AHNAK2: variants seen among roughly 807,000 people sequenced by gnomAD.
The protein encoded by AHNAK2 is AHNAK nucleoprotein 2.
AHNAK2 carries 18 observed loss-of-function variants against 30.7 expected under a neutral mutation model. The observed-to-expected ratio is 0.59, with a 90% CI of 0.41 to 0.87. AHNAK2 has a LOEUF of 0.87. Ranked by LOEUF, AHNAK2 falls within the 40% of genes least tolerant of loss-of-function variation. The probability of loss-of-function intolerance (pLI) is 0.00; values close to 1 mark genes in which losing one functional copy is unlikely to be tolerated. For synonymous variants in AHNAK2, 3,590 were observed against 3,073.8 expected, an observed-to-expected ratio of 1.17 and a Z score of -5.56; for missense variants, 8,604 against 7,373.0, an observed-to-expected ratio of 1.17 and a Z score of -6.11.
rs1182870261 is a variant in AHNAK2 at position 104,952,570 on chromosome 14, G to C, written c.2881C>G (p.Leu961Val). The C allele has an allele frequency of 6.2e-7, 1 of 1,612,964 alleles. No homozygotes were observed. Among genetic ancestry groups the C allele is most frequent in the East Asian group, 2.2e-5 (1 of 44,774 alleles). The change falls in exon 7 of 7, where the codon CTG becomes GTG. Residue 961 changes from leucine (L) to valine (V), a missense_variant. By Grantham distance (32) the Leu-to-Val change is conservative. Transcript: ENST00000333244. ...TGGACATCCACCTCCATGCTGGGCA[G>C]AGACACCTCGCCATCGGGGGCTGTC... ...EVTAPDGEVS[L>V]PSMEVDVQAQ... is the part of the protein sequence containing the mutation.
At chr14:104,967,395 A>AGC (rs1257839347) in intron 1 of AHNAK2, among the ~76,000 whole-genome samples, 1 of 152,254 alleles carries the variant, frequency 6.6e-6, no homozygotes, top group Non-Finnish European at 1.5e-5. Context: ...AGCTGGGCAC[A>AGC]GCCGGCTGCA....
chr14:104,943,694 C>T lies in AHNAK2; in HGVS notation c.11757G>A (p.Lys3919=), dbSNP rs566831238. Residue 3919 remains lysine (K), a synonymous_variant, in exon 7 of 7, where the codon AAG becomes AAA. Coordinates refer to ENST00000333244, the MANE Select transcript of AHNAK2 (RefSeq NM_138420.4). ...CCACATCAGGGGCTGTCACTTCCAC[C>T]TTGGGGTCTTTTAGGTCCAGCTTGG... ...KGPKLDLKDP[K]VEVTAPDVEV... is the part of the protein sequence containing the mutation. 6.2e-7 allele frequency: 1 copy of T among 1,613,166 alleles called. No homozygotes were observed. The highest frequency in any genetic ancestry group is 1.7e-5 in the Admixed American group (1 of 59,928).
Position 104,972,212 on chromosome 14 carries a change from T to C in AHNAK2, c.55+5971A>G, listed in dbSNP as rs118149645. On this transcript the variant is annotated intron_variant, in intron 1 of 6. Transcript: ENST00000333244. ...CAGGCCCCTTCTGGGCCTCCCCCCA[T>C]TGCAATACCCTAAAAAGGCTGACAC... Among the ~76,000 whole-genome samples, 141 of 152,236 alleles carry C rather than the reference T, an allele frequency of 9.3e-4. 5 individuals are homozygous for C. The East Asian group carries it at 0.027, about 29-fold the overall frequency.
In AHNAK2 at chr14:104,940,829, G is replaced by A. The variant is rs757855820; in HGVS notation, c.14622C>T (p.Val4874=). 1.9e-6 allele frequency: 3 copies of A among 1,613,100 alleles called. No homozygotes were observed. Among genetic ancestry groups the A allele is most frequent in the Non-Finnish European group, 2.5e-6 (3 of 1,179,886 alleles). ...KFYKPKFVFS[V]PQMAVPEGDL... ...CTCCCTCAGGAACTGCCATTTGGGG[G>A]ACTGAAAACACAAACTTTGGTTTAT... Residue 4874 remains valine (V), a synonymous_variant, in exon 7 of 7, where the codon GTC becomes GTT. Transcript: ENST00000333244. The surrounding 1 kb of genome is among the most constrained non-coding windows in gnomAD (Gnocchi z 4.4).
Position 104,941,810 on chromosome 14 carries a change from G to T in AHNAK2, c.13641C>A (p.Pro4547=), listed in dbSNP as rs768122087. 1 of 1,612,702 alleles carries T rather than the reference G, an allele frequency of 6.2e-7. No homozygotes were observed. The highest frequency in any genetic ancestry group is 8.5e-7 in the Non-Finnish European group (1 of 1,179,434). The change falls in exon 7 of 7, where the codon CCC becomes CCA. Residue 4547 remains proline, a synonymous_variant. Transcript: ENST00000333244. ...PEVAGLKGHL[P]KVEMPSFKMP... Reference sequence around the variant, plus strand: ...TCTTGAAACTGGGCATCTCCACCTTGGGCAGGTGCCCTTTGAGGCCGGCTA... The same window carrying T: ...TCTTGAAACTGGGCATCTCCACCTTTGGCAGGTGCCCTTTGAGGCCGGCTA...
intron 1 of AHNAK2, among the ~76,000 whole-genome samples, chr14:104,975,584 C>T (rs1899571296): frequency 6.6e-6 from 1 of 152,244 alleles, no homozygotes; most frequent in South Asian, 2.1e-4. Flanking sequence ...GAGCCAGCAC[C>T]TGTCAGAACA....
chr14:104,946,914 T>C lies in AHNAK2; in HGVS notation c.8537A>G (p.Asp2846Gly). 6.2e-7 allele frequency: 1 copy of C among 1,612,448 alleles called. No homozygotes were observed. The highest frequency in any genetic ancestry group is 1.1e-5 in the South Asian group (1 of 91,016). ...VDVSELKVEA[D>G]GSFPSMQGDL... ...CCCTTGCATGGAGGGGAAGCTCCCG[T>C]CAGCTTCCACCTTCAGCTCAGACAC... Residue 2846 changes from aspartate (D) to glycine (G), a missense_variant, in exon 7 of 7, where the codon GAC becomes GGC. Asp to Gly is a moderately conservative substitution (Grantham distance 94). Coordinates refer to ENST00000333244, the MANE Select transcript of AHNAK2 (RefSeq NM_138420.4).
chr14:104,964,373 T>A (rs772888312), intron 1 of AHNAK2, among the ~76,000 whole-genome samples: 1 of 151,962 alleles, frequency 6.6e-6, no homozygotes, highest in Non-Finnish European at 1.5e-5. Flanking sequence ...TGGAACTCCA[T>A]CCTGGTGTGG....
Position 104,943,350 on chromosome 14 carries a change from A to G in AHNAK2, c.12101T>C (p.Val4034Ala). The G allele has an allele frequency of 6.2e-7, 1 of 1,612,430 alleles. No individual in the cohort carries two copies. The highest frequency in any genetic ancestry group is 8.5e-7 in the Non-Finnish European group (1 of 1,179,418). The change falls in exon 7 of 7, where the codon GTG (valine) becomes GCG (alanine). Residue 4034 changes from valine to alanine, a missense_variant. Transcript: ENST00000333244. The part of the protein sequence containing the change: ...DLEVQAGQVD[V>A]KLPEGPVPEG... ...GGGCACGGGGCCCTCTGGGAGTTTC[A>G]CGTCCACTTGGCCAGCCTGGACCTC...
Position 104,943,027 on chromosome 14 carries a change from A to G in AHNAK2, c.12424T>C (p.Ser4142Pro). 6.2e-7 allele frequency: 1 copy of G among 1,612,676 alleles called. No homozygotes were observed. Among genetic ancestry groups the G allele is most frequent in the Non-Finnish European group, 8.5e-7 (1 of 1,179,450 alleles). The change falls in exon 7 of 7, where the codon TCA becomes CCA. Residue 4142 changes from serine to proline, a missense_variant. Ser to Pro is a moderately conservative substitution (Grantham distance 74). Transcript: ENST00000333244. ...TTGCCTGGGGCCGACACCCCGAATG[A>G]TGGCATCTTGAACTTGGGCATTTTG... The part of the protein sequence containing the change: ...KFKMPKFKMP[S>P]FGVSAPGKSM...
chr14:104,949,017 T>A lies in AHNAK2; in HGVS notation c.6434A>T (p.Asp2145Val). 1 of 1,102,250 alleles carries A rather than the reference T, an allele frequency of 9.1e-7. No homozygotes were observed. Among genetic ancestry groups the A allele is most frequent in the Non-Finnish European group, 1.3e-6 (1 of 756,746 alleles). 68.3% of individuals were successfully genotyped at this position (1,102,250 alleles called of 1,614,324 possible). ...GAACTTGCTGTCTTTGGTAGTCAGG[T>A]CCTTGTTGGCCAGGGTCAGGTCCCC... ...LQGDLTLANK[D>V]LTTKDSKFKM... The change falls in exon 7 of 7, where the codon GAC becomes GTC. Residue 2145 changes from aspartate to valine, a missense_variant. Physicochemically the swap from Asp to Val is radical, Grantham distance 152. Coordinates refer to ENST00000333244, the MANE Select transcript of AHNAK2 (RefSeq NM_138420.4).
At position 104,940,938 on chromosome 14, in the gene AHNAK2, G is replaced by A. The variant is rs779750184; in HGVS notation, c.14513C>T (p.Pro4838Leu). 1 of 1,612,678 alleles carries A rather than the reference G, an allele frequency of 6.2e-7. No individual in the cohort carries two copies. The highest frequency in any genetic ancestry group is 8.5e-7 in the Non-Finnish European group (1 of 1,179,650). The change falls in exon 7 of 7, where the codon CCA (proline) becomes CTA (leucine). Residue 4838 changes from proline to leucine, a missense_variant. Coordinates refer to ENST00000333244, the MANE Select transcript of AHNAK2 (RefSeq NM_138420.4). This position sits in a 1 kb window ranked among gnomAD's most constrained non-coding sequence, Gnocchi z 4.4. ...STDLQPPEGVPTSQAESHSGP... is the reference protein window; with the variant it reads ...STDLQPPEGVLTSQAESHSGP... ...AGAGTGACTCTCAGCTTGAGATGTT[G>A]GAACTCCCTCTGGAGGCTGCAGGTC...
rs181823595 is a variant in AHNAK2, at chr14:104,946,712, G to T, written c.8739C>A (p.Gly2913=). ...SFKMPKVDLK[G]PQIDVKGPKL... is the part of the protein sequence containing the mutation. ...TGGGGCCCTTGACGTCTATCTGGGG[G>T]CCCTTGAGATCCACTTTGGGCATCT... Residue 2913 remains glycine, a synonymous_variant, in exon 7 of 7, where the codon GGC becomes GGA. Coordinates refer to ENST00000333244, the MANE Select transcript of AHNAK2 (RefSeq NM_138420.4). 9.3e-6 allele frequency: 15 copies of T among 1,612,094 alleles called. No individual in the cohort carries two copies. Among genetic ancestry groups the T allele is most frequent in the Admixed American group, 6.7e-5 (4 of 59,892 alleles).
chr14:104,977,317 C>G (rs73357594), intron 1 of AHNAK2, among the ~76,000 whole-genome samples: 1 of 152,178 alleles, frequency 6.6e-6, no homozygotes, highest in East Asian at 1.9e-4. Flanking sequence ...TGCCCTGCCC[C>G]CCTCAGCCCT....
In AHNAK2 at chr14:104,946,255, T is replaced by C. The variant is rs1595400952; in HGVS notation, c.9196A>G (p.Met3066Val). The change falls in exon 7 of 7, where the codon ATG (methionine) becomes GTG (valine). Residue 3066 changes from methionine to valine, a missense_variant. Transcript: ENST00000333244. Reference sequence around the variant, plus strand: ...ACTTTGGGCATCTTGAAACTGGGCATCTGCAACTTGGGCAGGTGCCCTTTG... The same window carrying C: ...ACTTTGGGCATCTTGAAACTGGGCACCTGCAACTTGGGCAGGTGCCCTTTG... The part of the protein sequence containing the change: ...GLKGHLPKLQ[M>V]PSFKMPKVDR... 1 of 1,609,248 alleles carries C rather than the reference T, an allele frequency of 6.2e-7. No individual in the cohort carries two copies. The highest frequency in any genetic ancestry group is 8.5e-7 in the Non-Finnish European group (1 of 1,178,202).
At chr14:104,957,694 G>A (rs1488279039) in intron 1 of AHNAK2, 22 bp from the exon 2 acceptor site, 3 of 1,603,984 alleles carry the variant, frequency 1.9e-6, no homozygotes, top group African/African-American at 2.7e-5. Flanking sequence ...GTGGCTGTCA[G>A]TGGAGACAAG....
At chr14:104,974,466 C>T (rs1467828945) in intron 1 of AHNAK2, among the ~76,000 whole-genome samples, 5 of 152,364 alleles carry the variant, frequency 3.3e-5, no homozygotes, top group East Asian at 3.9e-4. Flanking sequence ...TCCCTGACTT[C>T]GCCCTCAGCC....
At chr14:104,961,061 G>A (rs1411151871) in intron 1 of AHNAK2, among the ~76,000 whole-genome samples, 1 of 151,926 alleles carries the variant, frequency 6.6e-6, no homozygotes, top group Non-Finnish European at 1.5e-5. Flanking sequence ...AACCCAGGAG[G>A]TGGAGGTTGC....
rs200184080 is a variant in AHNAK2, at chr14:104,947,035, T to C, written c.8416A>G (p.Met2806Val). Residue 2806 changes from methionine (M) to valine (V), a missense_variant, in exon 7 of 7, where the codon ATG (methionine) becomes GTG (valine). Physicochemically the swap from Met to Val is conservative, Grantham distance 21. Transcript: ENST00000333244. ...EGDLSLADKGMTAKDSKFKMP... is the reference protein window; with the variant it reads ...EGDLSLADKGVTAKDSKFKMP... ...TTGAACTTGCTGTCTTTGGCTGTCA[T>C]GCCCTTGTCGGCCAGGGACAGGTCC... 3.5e-4 allele frequency: 555 copies of C among 1,606,088 alleles called. 6 individuals carry two copies. The African/African-American group carries it at 4.6e-3, about 13-fold the overall frequency.
Sources: allele counts gnomAD v4.1 joint callset (sites outside exome capture counted in the v4.1 genomes callset), GRCh38; gene constraint gnomAD v4.1.1; non-coding constraint Gnocchi (gnomAD v3.1); transcripts MANE v1.5; gene names NCBI Gene and HGNC (gene_info 2026-07-23, HGNC 2026-07-21).